The following MINK1 variants were observed in gnomAD, a reference collection of about 807,000 sequenced individuals.
MINK1 encodes the protein misshapen like kinase 1.
In MINK1, 46 loss-of-function variants were observed where a neutral mutation model predicts 178.4. The observed-to-expected ratio is 0.26, with a 90% CI of 0.20 to 0.33. MINK1 has a LOEUF of 0.33. MINK1 is among the 10% of genes least tolerant of loss of function. The pLI is 1.00. For synonymous variants in MINK1, 797 were observed against 709.7 expected (o/e 1.12, Z -1.96); for missense variants, 1,366 against 1,814.9 (o/e 0.75, Z 4.49).
chr17:4,876,258 G>A (rs995367247), intron 1 of MINK1, among the ~76,000 whole-genome samples: 1 of 152,118 alleles, frequency 6.6e-6, no homozygotes, highest in Non-Finnish European at 1.5e-5. Flanking sequence ...TCAGGCTGCC[G>A]CGTGCCAGGC....
intron 1 of MINK1, among the ~76,000 whole-genome samples, chr17:4,851,301 G>A (rs567837617): frequency 3.7e-4 from 57 of 152,288 alleles, no homozygotes; most frequent in Non-Finnish European, 5.6e-4. Context: ...CCTCCAAGAG[G>A]TTAAGTGATT....
intron 15 of MINK1, 97 bp downstream of exon 15, chr17:4,891,221 C>G (rs1968777843): frequency 2.9e-6 from 3 of 1,034,110 alleles, no homozygotes; most frequent in Non-Finnish European, 4.1e-6. Context: ...CACACACACA[C>G]ACACCTGCTC....
chr17:4,868,343 A>G (rs1490948173), intron 1 of MINK1, among the ~76,000 whole-genome samples: 1 of 152,146 alleles, frequency 6.6e-6, no homozygotes, highest in Non-Finnish European at 1.5e-5. Context: ...TGTGCTGTCA[A>G]ACACTAGAAC....
chr17:4,869,302 G>A (rs930975070), intron 1 of MINK1, among the ~76,000 whole-genome samples: 4 of 150,784 alleles, frequency 2.7e-5, no homozygotes, highest in Non-Finnish European at 4.4e-5. Context: ...TTGAGACAGC[G>A]TTTCACTCCT....
rs201242631 is a variant in MINK1 at position 4,896,133 on chromosome 17, C to G, written c.3465+30C>G. 241 of 1,606,806 alleles carry G rather than the reference C, an allele frequency of 1.5e-4. No individual in the cohort carries two copies. The highest frequency in any genetic ancestry group is 5.0e-4 in the Middle Eastern group (3 of 6,038). ...TCCCAGCCTCGGTCCCTAACACCAT[C>G]TGGAGTCCCAGCGCCTCTCCCCGTG... is the stretch of plus-strand genomic sequence containing the variant. On this transcript the variant is annotated intron_variant, in intron 28 of 31. Coordinates refer to ENST00000355280, the MANE Select transcript of MINK1 (RefSeq NM_153827.5). The surrounding 1 kb of genome is among the most constrained non-coding windows in gnomAD (Gnocchi z 4.6).
At position 4,833,613 on chromosome 17, in the gene MINK1, G is replaced by C; in HGVS notation, c.30G>C (p.Leu10=). 1 of 1,501,980 alleles carries C rather than the reference G, an allele frequency of 6.7e-7. No individual in the cohort carries two copies. Among genetic ancestry groups the C allele is most frequent in the Non-Finnish European group, 8.8e-7 (1 of 1,132,176 alleles). The allele number at this position is 1,501,980 out of a possible 1,614,324, so 93.0% of individuals were successfully genotyped here. ...GCGACCCAGCCCCCGCCCGCAGCCTGGACGACATCGACCTGTCCGCCCTGC... is the reference window on the plus strand; with the variant it reads ...GCGACCCAGCCCCCGCCCGCAGCCTCGACGACATCGACCTGTCCGCCCTGC... MGDPAPARS[L]DDIDLSALRD... is the part of the protein sequence containing the mutation. Residue 10 remains leucine, a synonymous_variant, in exon 1 of 32, where the codon CTG becomes CTC. Coordinates refer to ENST00000355280, the MANE Select transcript of MINK1 (RefSeq NM_153827.5). The surrounding 1 kb of genome is among the most constrained non-coding windows in gnomAD (Gnocchi z 4.8).
rs374178787 is a variant in MINK1, at chr17:4,894,262, C to G, written c.2759C>G (p.Thr920Ser). 3.7e-6 allele frequency: 6 copies of G among 1,613,200 alleles called. No individual in the cohort carries two copies. In the African/African-American group the frequency reaches 5.3e-5, roughly 14 times the overall value. The change falls in exon 23 of 32, where the codon ACC (threonine) becomes AGC (serine). Residue 920 changes from threonine (T) to serine (S), a missense_variant. Coordinates refer to ENST00000355280, the MANE Select transcript of MINK1 (RefSeq NM_153827.5). The surrounding 1 kb of genome is among the most constrained non-coding windows in gnomAD (Gnocchi z 4.1). ...GTGGTCCAGCCCAGCCACTCACCCA[C>G]CGAGAACAGCAAAGGCCAAAGCCCA... ...PDVVQPSHSP[T>S]ENSKGQSPPS...
Position 4,891,694 on chromosome 17 carries a change from C to G in MINK1, c.1979C>G (p.Pro660Arg), listed in dbSNP as rs766744803. The G allele has an allele frequency of 1.2e-6, 2 of 1,602,950 alleles. No homozygotes were observed. Among genetic ancestry groups the G allele is most frequent in the Non-Finnish European group, 1.7e-6 (2 of 1,175,392 alleles). Residue 660 changes from proline to arginine, a missense_variant, in exon 16 of 32, where the codon CCA (proline) becomes CGA (arginine). Around this residue, in one of 14 missense-constraint regions of MINK1, gnomAD observed 709 missense variants for 692.3 expected, o/e 1.02. Transcript: ENST00000355280. ...PSPNPPAWVR[P>R]DNEAPPKVPQ... ...CCGAATCCCCCAGCCTGGGTCCGCC[C>G]AGATAACGAGGCCCCACCCAAGGTA...
At chr17:4,871,712 A>G (rs1022265159) in intron 1 of MINK1, among the ~76,000 whole-genome samples, 2 of 152,206 alleles carry the variant, frequency 1.3e-5, no homozygotes, top group African/African-American at 4.8e-5. Context: ...GCTGAGTGAT[A>G]TGATAACTCA....
chr17:4,862,958 C>T (rs928741991), intron 1 of MINK1, among the ~76,000 whole-genome samples: 1 of 151,966 alleles, frequency 6.6e-6, no homozygotes, highest in Non-Finnish European at 1.5e-5. Flanking sequence ...CTGCTTGAAC[C>T]CAAGAGGTTG....
In MINK1 at chr17:4,881,050, G is replaced by A. The variant is rs1201345894; in HGVS notation, c.180+10G>A. 5 of 1,533,594 alleles carry A rather than the reference G, an allele frequency of 3.3e-6. No homozygotes were observed. Among genetic ancestry groups the A allele is most frequent in the Middle Eastern group, 1.7e-4 (1 of 5,970 alleles). The allele number at this position is 1,533,594 out of a possible 1,614,324, so 95.0% of individuals were successfully genotyped here. On this transcript the variant is annotated intron_variant, in intron 3 of 31. Coordinates refer to ENST00000355280, the MANE Select transcript of MINK1 (RefSeq NM_153827.5). ...CATGGATGTCACGGAGGTAGGGAGT[G>A]GAGCTGGGCAGTGGGAGGGTCGGAC...
At chr17:4,855,635 T>G (rs1419043583) in intron 1 of MINK1, among the ~76,000 whole-genome samples, 2 of 150,252 alleles carry the variant, frequency 1.3e-5, no homozygotes, top group East Asian at 3.9e-4. Flanking sequence ...CCGAGTGTGG[T>G]GGCAGGTGCC....
At chr17:4,860,101 G>A (rs1007434061) in intron 1 of MINK1, among the ~76,000 whole-genome samples, 3 of 152,188 alleles carry the variant, frequency 2.0e-5, no homozygotes, top group South Asian at 2.1e-4. Flanking sequence ...GCGGAGCGGG[G>A]TACAGAGGGA....
chr17:4,852,245 G>A (rs1912118621), intron 1 of MINK1, among the ~76,000 whole-genome samples: 1 of 152,088 alleles, frequency 6.6e-6, no homozygotes, highest in Non-Finnish European at 1.5e-5. Context: ...GATAACTGCT[G>A]CATTAAGGAA....
chr17:4,893,976 CCT>C lies in MINK1; in HGVS notation c.2565-6_2565-5del. 2 of 1,556,926 alleles carry C rather than the reference CCT, an allele frequency of 1.3e-6. No individual in the cohort carries two copies. The highest frequency in any genetic ancestry group is 1.7e-4 in the Middle Eastern group (1 of 5,872). On this transcript the variant is annotated splice_polypyrimidine_tract_variant and intron_variant, in intron 21 of 31. Coordinates refer to ENST00000355280, the MANE Select transcript of MINK1 (RefSeq NM_153827.5). ...GCAGGACCTGGAGGGGCCCCACCTT[CCT>C]CTCTCACAGCAGCGATGGGGATACA...
At chr17:4,882,913 G>C in intron 4 of MINK1, 1 of 152,168 alleles carries the variant, frequency 6.6e-6, no homozygotes, top group Non-Finnish European at 1.5e-5. Flanking sequence ...CTGAGGTCAG[G>C]AGTTCAAGAC....
chr17:4,854,932 C>G (rs529314548), intron 1 of MINK1, among the ~76,000 whole-genome samples: 79 of 152,246 alleles, frequency 5.2e-4, no homozygotes, highest in African/African-American at 1.7e-3. Flanking sequence ...CCAGGCTGGG[C>G]GCGGTGGCTC....
chr17:4,892,733 C>G lies in MINK1; in HGVS notation c.2276C>G (p.Pro759Arg). The G allele has an allele frequency of 6.2e-7, 1 of 1,611,876 alleles. No homozygotes were observed. Among genetic ancestry groups the G allele is most frequent in the Non-Finnish European group, 8.5e-7 (1 of 1,179,474 alleles). The part of the protein sequence containing the change: ...SVLPASHGHL[P>R]QAGSLERNRV... ...CTTCCAGCCTCTCACGGGCACCTCC[C>G]CCAGGCTGGCTCACTGGAGCGGAAC... Residue 759 changes from proline to arginine, a missense_variant, in exon 19 of 32, where the codon CCC becomes CGC. Pro to Arg is a moderately radical substitution (Grantham distance 103). Around this residue, in one of 14 missense-constraint regions of MINK1, gnomAD observed 709 missense variants for 692.3 expected, o/e 1.02. Coordinates refer to ENST00000355280, the MANE Select transcript of MINK1 (RefSeq NM_153827.5).
intron 4 of MINK1, 142 bp downstream of exon 4, chr17:4,881,399 C>G (rs1246504704): frequency 4.4e-6 from 4 of 914,744 alleles, no homozygotes; most frequent in South Asian, 1.7e-5. Context: ...GTCCCTGGAC[C>G]CAGAGGGGCC....
Sources: allele counts gnomAD v4.1 joint callset (sites outside exome capture counted in the v4.1 genomes callset), GRCh38; gene constraint gnomAD v4.1.1; regional missense constraint gnomAD v4.1.1; non-coding constraint Gnocchi (gnomAD v3.1); transcripts MANE v1.5; gene names NCBI Gene and HGNC (gene_info 2026-07-23, HGNC 2026-07-21).